Variants in URI1 observed in about 807,000 individuals in gnomAD.
The protein encoded by URI1 is unconventional prefoldin RPB5 interactor 1.
In URI1, 39 loss-of-function variants were observed where a neutral mutation model predicts 60.2. That is an observed-to-expected ratio of 0.65 (90% CI 0.50 to 0.85). URI1 has a LOEUF of 0.85. URI1 is among the 40% of genes least tolerant of loss of function. URI1 has a pLI of 0.00. For missense variants in URI1, 691 were observed against 665.9 expected (o/e 1.04, Z -0.42); for synonymous variants, 251 against 236.8 (o/e 1.06, Z -0.55).
At chr19:30,000,193 T>G (rs1568440690) in intron 4 of URI1, among the ~76,000 whole-genome samples, 1 of 151,990 alleles carries the variant, frequency 6.6e-6, no homozygotes, top group African/African-American at 2.4e-5. Flanking sequence ...CTTTTTTTGT[T>G]GCATAGTTTT....
intron 3 of URI1, among the ~76,000 whole-genome samples, 196 bp downstream of exon 3, chr19:29,985,497 A>G (rs1460360608): frequency 1.3e-5 from 2 of 152,174 alleles, no homozygotes; most frequent in African/African-American, 4.8e-5. Flanking sequence ...TTCAGAATAT[A>G]TATGGTGACA....
At chr19:29,961,691 G>GT (rs2055327500) in intron 1 of URI1, among the ~76,000 whole-genome samples, 1,907 of 70,396 alleles carry the variant, frequency 0.027, 41 homozygotes, top group African/African-American at 0.09. Flanking sequence ...TTTTTTTTTT[G>GT]TTGTTTGTTT....
At chr19:29,977,564 T>G (rs951558884) in intron 2 of URI1, among the ~76,000 whole-genome samples, 3 of 49,086 alleles carry the variant, frequency 6.1e-5, no homozygotes, top group Non-Finnish European at 7.0e-5. Flanking sequence ...TTTTCTTTTT[T>G]TTTTTTTTTT....
At chr19:29,977,558 C>CTTTTTTTTTTTTTTTTTTTTTT (rs749382980) in intron 2 of URI1, among the ~76,000 whole-genome samples, 2 of 112,584 alleles carry the variant, frequency 1.8e-5, no homozygotes, top group Non-Finnish European at 3.5e-5. Context: ...GTTATTTTTT[C>CTTTTTTTTTTTTTTTTTTTTTT]TTTTTTTTTT....
chr19:30,015,913 T>G lies in URI1; in HGVS notation c.*844T>G. On this transcript the variant is annotated 3_prime_UTR_variant, in exon 11 of 11. Coordinates refer to ENST00000392271, the MANE Select transcript of URI1 (RefSeq NM_003796.3). Reference sequence around the variant, plus strand: ...ATTTTAAATAAAAATTCCTTACAGTTTCATCTTCCCAACATTTTCATTCTT... The same window carrying G: ...ATTTTAAATAAAAATTCCTTACAGTGTCATCTTCCCAACATTTTCATTCTT... 4.8e-6 allele frequency: 1 copy of G among 208,848 alleles called. No individual in the cohort carries two copies. The highest frequency in any genetic ancestry group is 9.4e-6 in the Non-Finnish European group (1 of 106,600). The allele number at this position is 208,848 out of a possible 1,614,324, so 12.9% of individuals were successfully genotyped here.
Position 29,956,891 on chromosome 19 carries a change from G to A in URI1, c.117+14227G>A. 3.0e-6 allele frequency: 4 copies of A among 1,333,322 alleles called. No individual in the cohort carries two copies. The South Asian group carries it at 3.5e-5, about 12-fold the overall frequency. The allele number at this position is 1,333,322 out of a possible 1,614,324, so 82.6% of individuals were successfully genotyped here. A position where few individuals can be genotyped will look rare whatever the true frequency, so the allele number is the denominator to read the frequency against. On this transcript the variant is annotated intron_variant, in intron 1 of 10. Coordinates refer to ENST00000392271, the MANE Select transcript of URI1 (RefSeq NM_003796.3). ...GATGTGATTGAAGTCCTTCCGCAGGGTTCCTCTGGGGCCCTTTATGATAAC... is the reference window on the plus strand; with the variant it reads ...GATGTGATTGAAGTCCTTCCGCAGGATTCCTCTGGGGCCCTTTATGATAAC...
At chr19:29,982,571 A>G (rs1474916798) in intron 2 of URI1, among the ~76,000 whole-genome samples, 2 of 152,186 alleles carry the variant, frequency 1.3e-5, no homozygotes, top group East Asian at 3.9e-4. Flanking sequence ...ATAAGCTGTT[A>G]GTGTTATGTT....
chr19:29,976,017 TTAAC>T (rs1354604321), intron 2 of URI1, among the ~76,000 whole-genome samples: 1 of 152,206 alleles, frequency 6.6e-6, no homozygotes, highest in Non-Finnish European at 1.5e-5. Flanking sequence ...CCCTGTATCA[TTAAC>T]TAACAGTTCC....
In URI1 at chr19:29,925,375, G is replaced by C. The variant is rs560492511; in HGVS notation, c.63+1621G>C. 2.0e-5 allele frequency among the ~76,000 whole-genome samples: 3 copies of C among 152,286 alleles called. No homozygotes were observed. In the East Asian group the frequency reaches 5.8e-4, roughly 29 times the overall value. ...GATTCTAGGGCAGAGCTGGAGGCAG[G>C]GGGAGGCTGCCTAGAGCCAGAGGGC... On this transcript the variant is annotated intron_variant, in intron 1 of 10. Transcript: ENST00000360605.
Position 30,009,153 on chromosome 19 carries a change from A to C in URI1, c.835A>C (p.Ser279Arg), listed in dbSNP as rs1478454502. 6.2e-7 allele frequency: 1 copy of C among 1,613,988 alleles called. No homozygotes were observed. Among genetic ancestry groups the C allele is most frequent in the East Asian group, 2.2e-5 (1 of 44,846 alleles). ...GGATGTTGCAAGTTCAGAACCATTCAGTGGTCAAGTGAATAGTCAGTTGAA... is the reference window on the plus strand; with the variant it reads ...GGATGTTGCAAGTTCAGAACCATTCCGTGGTCAAGTGAATAGTCAGTTGAA... ...HKDVASSEPF[S>R]GQVNSQLNCS... The change falls in exon 8 of 11, where the codon AGT (serine) becomes CGT (arginine). Residue 279 changes from serine (S) to arginine (R), a missense_variant. Physicochemically the swap from Ser to Arg is moderately radical, Grantham distance 110. Transcript: ENST00000392271.
At chr19:30,009,503 A>G (rs767915569) in intron 8 of URI1, 150 bp downstream of exon 8, 22 of 812,762 alleles carry the variant, frequency 2.7e-5, no homozygotes, top group Non-Finnish European at 3.2e-5. Context: ...TGACCAATTT[A>G]AGAAGAAAAA....
chr19:29,941,341 T>G (rs894961945), upstream of URI1, among the ~76,000 whole-genome samples: 1 of 152,174 alleles, frequency 6.6e-6, no homozygotes, highest in African/African-American at 2.4e-5. Context: ...CCAGGTGTGG[T>G]AGCTCACACC....
At chr19:29,983,997 T>G (rs2055629896) in intron 2 of URI1, among the ~76,000 whole-genome samples, 2 of 152,216 alleles carry the variant, frequency 1.3e-5, no homozygotes, top group Non-Finnish European at 2.9e-5. Flanking sequence ...AATCACATTA[T>G]TATGAATAAT....
At chr19:29,954,511 CTTTTTTT>C (rs11411965) in intron 1 of URI1, among the ~76,000 whole-genome samples, 2 of 115,920 alleles carry the variant, frequency 1.7e-5, no homozygotes, top group African/African-American at 6.7e-5. Context: ...TACAGATAAA[CTTTTTTT>C]TTTTTTTTTT....
Position 29,942,665 on chromosome 19 carries a change from G to A in URI1, c.117+1G>A, listed in dbSNP as rs2055045909. 4 of 1,424,632 alleles carry A rather than the reference G, an allele frequency of 2.8e-6. No homozygotes were observed. The highest frequency in any genetic ancestry group is 2.2e-4 in the Middle Eastern group (1 of 4,484). 88.2% of individuals were successfully genotyped at this position (1,424,632 alleles called of 1,614,324 possible). The stretch of plus-strand genomic sequence containing the variant: ...GCGGCTGCGCGAGGAGCAGGAAAAG[G>A]TAACTAGCAGCCCCGCGCCGCTTCC... On this transcript the variant is annotated splice_donor_variant, in intron 1 of 10. Coordinates refer to ENST00000392271, the MANE Select transcript of URI1 (RefSeq NM_003796.3). LOFTEE classifies it high-confidence loss of function.
At chr19:29,981,587 T>TA (rs913205603) in intron 2 of URI1, among the ~76,000 whole-genome samples, 2 of 152,196 alleles carry the variant, frequency 1.3e-5, no homozygotes, top group Admixed American at 1.3e-4. Context: ...ACATGCCTTA[T>TA]ACCTATGCTT....
intron 1 of URI1, among the ~76,000 whole-genome samples, chr19:29,950,241 T>C (rs1403866933): frequency 6.6e-6 from 1 of 152,136 alleles, no homozygotes; most frequent in African/African-American, 2.4e-5. Flanking sequence ...GAAGAAAAGA[T>C]GGTAATGGTC....
chr19:29,973,272 T>G (rs553611763), intron 2 of URI1, among the ~76,000 whole-genome samples: 1 of 152,310 alleles, frequency 6.6e-6, no homozygotes, highest in East Asian at 1.9e-4. Context: ...GCCAGACATA[T>G]AACAGGGAAA....
chr19:29,955,169 T>A (rs1416736701), intron 1 of URI1, among the ~76,000 whole-genome samples: 1 of 151,762 alleles, frequency 6.6e-6, no homozygotes, highest in Non-Finnish European at 1.5e-5. Flanking sequence ...TTTCACTGTG[T>A]TAGCCAGGAT....
Sources: gnomAD v4.1 joint callset for allele counts (sites outside exome capture counted in the v4.1 genomes callset) on GRCh38, gnomAD v4.1.1 for gene constraint, MANE v1.5 for transcripts, NCBI Gene and HGNC (gene_info 2026-07-23, HGNC 2026-07-21) for gene names.